Variants in MAD1L1 observed in about 807,000 individuals in gnomAD.
The protein encoded by MAD1L1 is mitotic spindle assembly checkpoint protein MAD1.
Under a neutral mutation model 96.9 loss-of-function variants are expected in MAD1L1, and 95 were observed. The ratio of observed to expected loss-of-function variants is 0.98; its 90% CI spans 0.83 to 1.16. The LOEUF (loss-of-function observed/expected upper bound fraction) is 1.16. Among genes scored for constraint, MAD1L1 ranks in the 50% most tolerant of loss-of-function variants. The pLI is 0.00. For missense variants in MAD1L1, 1,007 were observed against 954.4 expected (o/e 1.06, Z -0.73); for synonymous variants, 473 against 396.6 (o/e 1.19, Z -2.29).
intron 12 of MAD1L1, among the ~76,000 whole-genome samples, chr7:2,042,673 C>A (rs1478062233): frequency 1.3e-5 from 2 of 152,178 alleles, no homozygotes. Flanking sequence ...GATTCTGGAA[C>A]CTCAAGTGTC....
rs562319719 is a variant in MAD1L1, at chr7:1,939,362, G to A, written c.1597-2465C>T. Among the ~76,000 whole-genome samples, 12 of 147,780 alleles carry A rather than the reference G, an allele frequency of 8.1e-5. No individual in the cohort carries two copies. The South Asian group carries it at 8.7e-4, about 11-fold the overall frequency. ...ACAGGCCAGGGCTGGAGCCAGCGGC[G>A]CACACACACGCACACACACGGGCCA... On this transcript the variant is annotated intron_variant, in intron 16 of 18. Transcript: ENST00000265854.
chr7:1,897,624 C>A (rs951174594), intron 18 of MAD1L1, among the ~76,000 whole-genome samples: 1 of 152,252 alleles, frequency 6.6e-6, no homozygotes, highest in African/African-American at 2.4e-5. Flanking sequence ...CCCGCTCGCC[C>A]GAGGACTCTT....
intron 18 of MAD1L1, among the ~76,000 whole-genome samples, chr7:1,855,233 GCAGAC>G (rs1784184217): frequency 6.6e-6 from 1 of 152,068 alleles, no homozygotes; most frequent in Non-Finnish European, 1.5e-5. Context: ...TGCCGCAGTG[GCAGAC>G]GGGGCCTGAG....
chr7:1,900,149 G>C (rs1787154876), intron 17 of MAD1L1, among the ~76,000 whole-genome samples: 1 of 152,192 alleles, frequency 6.6e-6, no homozygotes, highest in Admixed American at 6.5e-5. Flanking sequence ...CTCACTCACT[G>C]CCTGGCTATG....
At chr7:2,024,389 G>A (rs939015214) in intron 12 of MAD1L1, among the ~76,000 whole-genome samples, 1 of 152,172 alleles carries the variant, frequency 6.6e-6, no homozygotes, top group African/African-American at 2.4e-5. Flanking sequence ...CACACAGAGG[G>A]CCTTCACCAC....
At chr7:2,192,646 T>A (rs1016334867) in intron 10 of MAD1L1, among the ~76,000 whole-genome samples, 6 of 152,158 alleles carry the variant, frequency 3.9e-5, no homozygotes, top group Admixed American at 1.3e-4. Flanking sequence ...TAAAGTTTTT[T>A]AAAAAATTCT....
chr7:2,064,733 G>A (rs939837370), intron 12 of MAD1L1, among the ~76,000 whole-genome samples: 1 of 151,746 alleles, frequency 6.6e-6, no homozygotes, highest in Non-Finnish European at 1.5e-5. Flanking sequence ...GAGGATACCA[G>A]ATTCTCCTGG....
At chr7:2,213,471 C>T (rs1318701660) in intron 9 of MAD1L1, among the ~76,000 whole-genome samples, 198 bp from the exon 10 acceptor site, 4 of 152,184 alleles carry the variant, frequency 2.6e-5, no homozygotes, top group East Asian at 3.9e-4. Context: ...GCCACACTGG[C>T]GCTTCCTGCC....
intron 3 of MAD1L1, among the ~76,000 whole-genome samples, chr7:2,228,352 A>G (rs927022039): frequency 2.0e-5 from 3 of 151,928 alleles, no homozygotes; most frequent in East Asian, 1.9e-4. Context: ...TCCGCCTCCC[A>G]GGTTCAAGCG....
chr7:1,893,636 C>G (rs1326361662), intron 18 of MAD1L1, among the ~76,000 whole-genome samples: 1 of 152,094 alleles, frequency 6.6e-6, no homozygotes, highest in Non-Finnish European at 1.5e-5. Flanking sequence ...AGGGAAGACC[C>G]TCCTGGGCAC....
rs116777015 is a variant in MAD1L1, at chr7:1,867,072, G to A, written c.1998+31128C>T. Among the ~76,000 whole-genome samples the A allele has an allele frequency of 9.3e-3, 1,423 of 152,334 alleles. 21 individuals carry two copies. Among genetic ancestry groups the A allele is most frequent in the African/African-American group, 0.033 (1,374 of 41,570 alleles). ...CACCTGCTGGCCCAGTGGGTGAGGG[G>A]CTGAGGTCGGCTGCAGTACTTGGAG... On this transcript the variant is annotated intron_variant, in intron 18 of 18. Coordinates refer to ENST00000265854, the MANE Select transcript of MAD1L1 (RefSeq NM_001013836.2).
rs974257489 is a variant in MAD1L1 at position 2,219,096 on chromosome 7, C to T, written c.596+236G>A. Among the ~76,000 whole-genome samples, 9 of 152,144 alleles carry T rather than the reference C, an allele frequency of 5.9e-5. No individual in the cohort carries two copies. In the South Asian group the frequency reaches 1.5e-3, roughly 25 times the overall value. On this transcript the variant is annotated intron_variant, in intron 6 of 18. Transcript: ENST00000265854. Reference sequence around the variant, plus strand: ...TAAAATCTGGCTCTGCAGGAGCCCTCTCTAAGAAGGAGGGGGAGGAAGTTG... The same window carrying T: ...TAAAATCTGGCTCTGCAGGAGCCCTTTCTAAGAAGGAGGGGGAGGAAGTTG...
chr7:2,039,526 G>C (rs1248487925), intron 12 of MAD1L1, among the ~76,000 whole-genome samples: 2 of 152,144 alleles, frequency 1.3e-5, no homozygotes, highest in African/African-American at 4.8e-5. Flanking sequence ...GGCATCTGAT[G>C]GTGTCCGTTT....
intron 12 of MAD1L1, among the ~76,000 whole-genome samples, chr7:2,048,680 G>C (rs929547644): frequency 1.3e-5 from 2 of 152,198 alleles, no homozygotes; most frequent in Non-Finnish European, 2.9e-5. Flanking sequence ...CCTCTGTGAA[G>C]AACCTCCTCC....
chr7:2,106,430 G>A (rs1026744029), intron 11 of MAD1L1, among the ~76,000 whole-genome samples: 50 of 146,718 alleles, frequency 3.4e-4, no homozygotes, highest in Non-Finnish European at 4.5e-5. Context: ...TCCCAGGCCC[G>A]GCCCCACCCT....
intron 17 of MAD1L1, among the ~76,000 whole-genome samples, chr7:1,906,203 C>T (rs957610117): frequency 6.6e-6 from 1 of 152,184 alleles, no homozygotes; most frequent in African/African-American, 2.4e-5. Flanking sequence ...GACGCCAGCC[C>T]TGGTGCTTCT....
intron 3 of MAD1L1, among the ~76,000 whole-genome samples, chr7:2,228,652 T>TAC (rs960002348): frequency 2.4e-5 from 2 of 83,788 alleles, no homozygotes; most frequent in Non-Finnish European, 4.6e-5. Context: ...ATTATATATA[T>TAC]ACACACACAC....
intron 11 of MAD1L1, among the ~76,000 whole-genome samples, chr7:2,124,117 G>T (rs1272726371): frequency 6.6e-6 from 1 of 152,202 alleles, no homozygotes; most frequent in African/African-American, 2.4e-5. Context: ...ATGCAGCCGG[G>T]AGCCCCCAGC....
intron 5 of MAD1L1, chr7:2,220,926 G>A: frequency 1.2e-6 from 2 of 1,612,236 alleles, no homozygotes; most frequent in Middle Eastern, 1.7e-4. Context: ...GAGCCCACCT[G>A]CCCACAGGGT....
Sources: gnomAD v4.1 joint callset for allele counts (sites outside exome capture counted in the v4.1 genomes callset) on GRCh38, gnomAD v4.1.1 for gene constraint, MANE v1.5 for transcripts, NCBI Gene and HGNC (gene_info 2026-07-23, HGNC 2026-07-21) for gene names.